The following WLS variants were observed in gnomAD, a reference collection of about 807,000 sequenced individuals.
WLS encodes protein wntless homolog.
In WLS, 23 loss-of-function variants were observed where a neutral mutation model predicts 62.8. The observed-to-expected ratio is 0.37, with a 90% CI of 0.26 to 0.52. The LOEUF (loss-of-function observed/expected upper bound fraction) is 0.52. WLS is among the 20% of genes least tolerant of loss of function. The pLI is 0.92. For synonymous variants in WLS, 246 were observed against 244.1 expected, an observed-to-expected ratio of 1.01 and a Z score of -0.07; for missense variants, 615 against 697.3, an observed-to-expected ratio of 0.88 and a Z score of 1.33.
At chr1:68,209,788 A>G (rs1442752563) in intron 1 of WLS, among the ~76,000 whole-genome samples, 2 of 152,164 alleles carry the variant, frequency 1.3e-5, no homozygotes, top group Non-Finnish European at 2.9e-5. Context: ...TTTCAAAAAA[A>G]AAAAAGAAGT....
intron 1 of WLS, among the ~76,000 whole-genome samples, chr1:68,196,598 A>G (rs1339399629): frequency 6.6e-6 from 1 of 152,080 alleles, no homozygotes; most frequent in African/African-American, 2.4e-5. Flanking sequence ...ATTCTATTAA[A>G]CATCTATTTT....
intron 11 of WLS, among the ~76,000 whole-genome samples, chr1:68,101,098 C>A (rs1646071631): frequency 6.6e-6 from 1 of 152,196 alleles, no homozygotes; most frequent in Non-Finnish European, 1.5e-5. Flanking sequence ...CCCAGCCTAT[C>A]AGGATGGCCA....
chr1:68,193,939 G>A lies in WLS; in HGVS notation c.379+16C>T. 6.2e-7 allele frequency: 1 copy of A among 1,608,562 alleles called. No individual in the cohort carries two copies. The highest frequency in any genetic ancestry group is 8.5e-7 in the Non-Finnish European group (1 of 1,176,340). ...GCTCAAAGGGAAGAAAGGGATGAGA[G>A]GAGAGTACACTTAACTGATTTGGTT... On this transcript the variant is annotated intron_variant, in intron 2 of 11. Coordinates refer to ENST00000262348, the MANE Select transcript of WLS (RefSeq NM_024911.7).
intron 10 of WLS, chr1:68,141,588 A>T (rs1646686769): frequency 6.6e-6 from 1 of 152,186 alleles, no homozygotes; most frequent in Non-Finnish European, 1.5e-5. Flanking sequence ...TCCTGGCCTC[A>T]GAGCTTCAAT....
At position 68,193,982 on chromosome 1, in the gene WLS, T is replaced by C. The variant is rs371055975; in HGVS notation, c.352A>G (p.Ile118Val). ...ATTTGGTTGTTTAGCTTGAAGGCAA[T>C]GTCCAGCTGCAGGATAAACAGCATG... is the stretch of plus-strand genomic sequence containing the variant. ...QFMLFILQLD[I>V]AFKLNNQIRE... The change falls in exon 2 of 12, where the codon ATT becomes GTT. Residue 118 changes from isoleucine to valine, a missense_variant. Coordinates refer to ENST00000262348, the MANE Select transcript of WLS (RefSeq NM_024911.7). The C allele has an allele frequency of 1.2e-6, 2 of 1,614,126 alleles. No homozygotes were observed.
At chr1:68,106,738 GTGTGTGTGTGTGTA>G (rs989341197) in intron 11 of WLS, among the ~76,000 whole-genome samples, 11 of 149,892 alleles carry the variant, frequency 7.3e-5, no homozygotes, top group African/African-American at 2.5e-4. Flanking sequence ...GTGTGTGTGT[GTGTGTGTGTGTGTA>G]TGTGTGGGTA....
intron 11 of WLS, among the ~76,000 whole-genome samples, chr1:68,115,253 CGAA>C (rs1252704675): frequency 3.3e-5 from 5 of 152,284 alleles, no homozygotes; most frequent in Non-Finnish European, 7.4e-5. Context: ...CTCAGGGACA[CGAA>C]GAAGATCTGT....
chr1:68,104,023 G>T (rs12127166), intron 11 of WLS, among the ~76,000 whole-genome samples: 1 of 151,884 alleles, frequency 6.6e-6, no homozygotes, highest in Non-Finnish European at 1.5e-5. Flanking sequence ...CCCACACCCA[G>T]CAAGCCACAC....
chr1:68,126,309 C>T lies in WLS; in HGVS notation c.1543G>A (p.Glu515Lys), dbSNP rs1358701011. 6.2e-7 allele frequency: 1 copy of T among 1,613,978 alleles called. No homozygotes were observed. The highest frequency in any genetic ancestry group is 1.3e-5 in the African/African-American group (1 of 74,920). The part of the protein sequence containing the change: ...NGDLGVHSGE[E>K]LQLTTTITHV... ...GTGATAGTGGTGGTGAGCTGGAGTT[C>T]TTCCCCACTATGGACACCCAGATCG... The change falls in exon 12 of 12, where the codon GAA becomes AAA. Residue 515 changes from glutamate (E) to lysine (K), a missense_variant. Glu to Lys is a moderately conservative substitution (Grantham distance 56). Coordinates refer to ENST00000262348, the MANE Select transcript of WLS (RefSeq NM_024911.7).
chr1:68,167,731 A>G (rs1647081705), intron 2 of WLS, among the ~76,000 whole-genome samples: 1 of 152,204 alleles, frequency 6.6e-6, no homozygotes, highest in South Asian at 2.1e-4. Flanking sequence ...CCTATGGGCT[A>G]GCCAAGCTTC....
chr1:68,124,937 T>A (rs1268501996), downstream of WLS, among the ~76,000 whole-genome samples: 1 of 152,140 alleles, frequency 6.6e-6, no homozygotes, highest in African/African-American at 2.4e-5. Context: ...CTGATTGAAA[T>A]TTTCACTGTG....
At chr1:68,225,467 A>G (rs1650104196) in intron 1 of WLS, among the ~76,000 whole-genome samples, 1 of 152,182 alleles carries the variant, frequency 6.6e-6, no homozygotes, top group African/African-American at 2.4e-5. Context: ...AGTAAGACCT[A>G]AATGAAATAG....
chr1:68,161,654 C>A, intron 2 of WLS: 1 of 896,472 alleles, frequency 1.1e-6, no homozygotes, highest in Non-Finnish European at 1.8e-6. Flanking sequence ...AGTCCAGAAT[C>A]AGTTACAAAG....
At chr1:68,163,002 AG>A in intron 2 of WLS, 3 of 1,593,408 alleles carry the variant, frequency 1.9e-6, no homozygotes, top group Non-Finnish European at 2.6e-6. Context: ...GCAGGAGTGC[AG>A]GGGGCCGTTC....
intron 1 of WLS, among the ~76,000 whole-genome samples, chr1:68,200,835 G>T (rs1401887620): frequency 6.6e-6 from 1 of 152,054 alleles, no homozygotes; most frequent in African/African-American, 2.4e-5. Flanking sequence ...TGCCTTATGA[G>T]AACTTATATA....
intron 11 of WLS, among the ~76,000 whole-genome samples, chr1:68,134,796 G>A (rs1646581620): frequency 6.6e-6 from 1 of 152,352 alleles, no homozygotes; most frequent in South Asian, 2.1e-4. Context: ...AAACTCTGTT[G>A]AGGAAGAGTG....
At chr1:68,152,290 C>A (rs1363082096) in intron 5 of WLS, among the ~76,000 whole-genome samples, 4 of 152,192 alleles carry the variant, frequency 2.6e-5, no homozygotes, top group African/African-American at 9.7e-5. Context: ...GATTAAGAGT[C>A]ATCAGAGAAT....
intron 2 of WLS, among the ~76,000 whole-genome samples, chr1:68,186,275 A>C (rs1471962812): frequency 6.6e-6 from 1 of 152,196 alleles, no homozygotes; most frequent in African/African-American, 2.4e-5. Context: ...ATCACTTTTA[A>C]ATTGAAAAAT....
intron 1 of WLS, among the ~76,000 whole-genome samples, chr1:68,224,959 C>T (rs1485421307): frequency 3.3e-5 from 5 of 152,300 alleles, no homozygotes; most frequent in Admixed American, 6.5e-5. Flanking sequence ...CATTTACTAT[C>T]TCTGCACTCT....
Sources: allele counts gnomAD v4.1 joint callset (sites outside exome capture counted in the v4.1 genomes callset), GRCh38; gene constraint gnomAD v4.1.1; transcripts MANE v1.5; gene names NCBI Gene and HGNC (gene_info 2026-07-23, HGNC 2026-07-21).